The following ST3GAL1 variants were observed in gnomAD, a reference collection of about 807,000 sequenced individuals.
ST3GAL1 encodes the protein ST3 beta-galactoside alpha-2,3-sialyltransferase 1.
ST3GAL1 carries 16 observed loss-of-function variants against 34.1 expected under a neutral mutation model. That is an observed-to-expected ratio of 0.47 (90% confidence interval 0.32 to 0.71). The LOEUF (loss-of-function observed/expected upper bound fraction) is 0.71, where lower values mean the gene tolerates loss of function less well. Among genes scored for constraint, ST3GAL1 ranks in the 30% least tolerant of loss-of-function variants. The pLI is 0.04. For missense variants in ST3GAL1, 353 were observed against 447.4 expected (o/e 0.79, Z 1.90); for synonymous variants, 191 against 184.7 (o/e 1.03, Z -0.28).
At chr8:133,535,446 T>C (rs1189299118) in intron 2 of ST3GAL1, among the ~76,000 whole-genome samples, 1 of 152,206 alleles carries the variant, frequency 6.6e-6, no homozygotes, top group Non-Finnish European at 1.5e-5. Flanking sequence ...AACCTTGTGT[T>C]GGGCAAGTCT....
At chr8:133,522,300 A>G (rs992212985) in intron 2 of ST3GAL1, among the ~76,000 whole-genome samples, 2 of 152,316 alleles carry the variant, frequency 1.3e-5, no homozygotes, top group African/African-American at 2.4e-5. Context: ...AAAAAATTGC[A>G]AATGGCTTCC....
chr8:133,561,038 G>A (rs1441183516), intron 1 of ST3GAL1, among the ~76,000 whole-genome samples: 2 of 149,396 alleles, frequency 1.3e-5, no homozygotes, highest in Non-Finnish European at 3.0e-5. Flanking sequence ...AACTCTTAAA[G>A]TTTTCTAGAA....
rs978544034 is a variant in ST3GAL1 at position 133,558,884 on chromosome 8, C to T, written c.-582+12809G>A. Reference sequence around the variant, plus strand: ...CATTGATGAGAAGAATACGGATTCCCGGCCGGGACCACTGTGTGTGTGGAG... The same window carrying T: ...CATTGATGAGAAGAATACGGATTCCTGGCCGGGACCACTGTGTGTGTGGAG... On this transcript the variant is annotated intron_variant, in intron 1 of 9. Coordinates refer to ENST00000522652, the MANE Select transcript of ST3GAL1 (RefSeq NM_173344.3). 1.4e-4 allele frequency among the ~76,000 whole-genome samples: 22 copies of T among 152,132 alleles called. 1 individual carries two copies. Among genetic ancestry groups the T allele is most frequent in the Admixed American group, 2.6e-4 (4 of 15,264 alleles).
intron 2 of ST3GAL1, among the ~76,000 whole-genome samples, chr8:133,537,205 T>TAG (rs1818336864): frequency 6.6e-6 from 1 of 151,922 alleles, no homozygotes; most frequent in South Asian, 2.1e-4. Context: ...AGGATACAGA[T>TAG]AGAGAGATGC....
chr8:133,464,716 G>C (rs962868590), intron 7 of ST3GAL1, 62 bp downstream of exon 7: 37 of 1,538,734 alleles, frequency 2.4e-5, no homozygotes, highest in Non-Finnish European at 2.9e-5. Flanking sequence ...ACGGCAGGGT[G>C]GGGGGACAGG....
At chr8:133,514,970 C>A (rs962454550) in intron 2 of ST3GAL1, among the ~76,000 whole-genome samples, 1 of 152,124 alleles carries the variant, frequency 6.6e-6, no homozygotes, top group Admixed American at 6.5e-5. Context: ...CTGGGAAGTC[C>A]ATCTCCCTCT....
At chr8:133,541,120 T>TATATATATATATAGAGAGAGAG (rs71299078) in intron 2 of ST3GAL1, among the ~76,000 whole-genome samples, 1 of 48,628 alleles carries the variant, frequency 2.1e-5, no homozygotes, top group African/African-American at 9.9e-5. Flanking sequence ...TATATATATA[T>TATATATATATATAGAGAGAGAG]AGAGAGAGAG....
At chr8:133,521,077 C>G (rs1443235409) in intron 2 of ST3GAL1, among the ~76,000 whole-genome samples, 1 of 124,758 alleles carries the variant, frequency 8.0e-6, no homozygotes, top group African/African-American at 3.1e-5. Flanking sequence ...CTCAGCCTCC[C>G]AAGTAGCTGG....
intron 1 of ST3GAL1, among the ~76,000 whole-genome samples, chr8:133,553,478 A>G (rs16904946): frequency 0.063 from 9,665 of 152,312 alleles, 454 homozygotes; most frequent in Middle Eastern, 0.14. Context: ...GACAAACACA[A>G]TAATGACTTG....
intron 2 of ST3GAL1, among the ~76,000 whole-genome samples, chr8:133,535,518 T>C (rs1818283319): frequency 7.1e-6 from 1 of 141,714 alleles, no homozygotes; most frequent in African/African-American, 2.7e-5. Flanking sequence ...CAAGAAAGTA[T>C]TTTTTAATTT....
At chr8:133,562,011 G>A (rs1819238357) in intron 1 of ST3GAL1, among the ~76,000 whole-genome samples, 1 of 152,014 alleles carries the variant, frequency 6.6e-6, no homozygotes, top group Admixed American at 6.6e-5. Context: ...AGCTCAGCAG[G>A]CAGAAGTTGC....
intron 2 of ST3GAL1, among the ~76,000 whole-genome samples, chr8:133,507,914 C>T (rs959639666): frequency 6.6e-6 from 1 of 152,202 alleles, no homozygotes; most frequent in Non-Finnish European, 1.5e-5. Flanking sequence ...CCCTCAGCTG[C>T]TGTGACTATT....
At chr8:133,495,478 TTG>T (rs1816917125) in intron 3 of ST3GAL1, among the ~76,000 whole-genome samples, 1 of 152,318 alleles carries the variant, frequency 6.6e-6, no homozygotes, top group Admixed American at 6.5e-5. Flanking sequence ...CGCACTTAAA[TTG>T]TTAGACGTAG....
At chr8:133,561,259 A>AT (rs1819213830) in intron 1 of ST3GAL1, among the ~76,000 whole-genome samples, 1 of 151,910 alleles carries the variant, frequency 6.6e-6, no homozygotes, top group Non-Finnish European at 1.5e-5. Flanking sequence ...TTAGAAGCTG[A>AT]TTTCCACCTC....
intron 3 of ST3GAL1, among the ~76,000 whole-genome samples, chr8:133,485,102 G>A (rs930743182): frequency 2.6e-5 from 4 of 152,302 alleles, no homozygotes; most frequent in Admixed American, 2.0e-4. Flanking sequence ...CTGCCAGCAG[G>A]GGTTCCTATG....
In ST3GAL1 at chr8:133,492,779, T is replaced by C. The variant is rs566112871; in HGVS notation, c.-374+6356A>G. Among the ~76,000 whole-genome samples the C allele has an allele frequency of 3.3e-5, 5 of 152,292 alleles. No individual in the cohort carries two copies. The East Asian group carries it at 7.7e-4, about 24-fold the overall frequency. The stretch of plus-strand genomic sequence containing the variant: ...CCGGCTCCAGAGGCCCAGCTCTTCA[T>C]GCTAAGAATCTACCTTTCGGCCTCA... On this transcript the variant is annotated intron_variant, in intron 3 of 9. Transcript: ENST00000522652.
intron 2 of ST3GAL1, among the ~76,000 whole-genome samples, chr8:133,533,223 T>C (rs374486848): frequency 6.6e-6 from 1 of 152,140 alleles, no homozygotes; most frequent in African/African-American, 2.4e-5. Context: ...GTAAAATTCC[T>C]TAAGTCTGTG....
chr8:133,543,481 GA>G (rs1193578398), intron 2 of ST3GAL1, among the ~76,000 whole-genome samples: 1 of 151,840 alleles, frequency 6.6e-6, no homozygotes, highest in Non-Finnish European at 1.5e-5. Flanking sequence ...AGAGAAAAAA[GA>G]AAAAATGAAC....
In ST3GAL1 at chr8:133,466,734, T is replaced by C. The variant is rs1447917558; in HGVS notation, c.307-644A>G. On this transcript the variant is annotated intron_variant, in intron 5 of 9. Transcript: ENST00000522652. This position sits in a 1 kb window ranked among gnomAD's most constrained non-coding sequence, Gnocchi z 4.4. ...CCAGCACTGCTGGGCTCCAGCCAGA[T>C]TGAAGAATCAGCAGTTTGCTGGATG... Among the ~76,000 whole-genome samples, 2 of 152,228 alleles carry C rather than the reference T, an allele frequency of 1.3e-5. No homozygotes were observed. Among genetic ancestry groups the C allele is most frequent in the African/African-American group, 4.8e-5 (2 of 41,468 alleles).
Sources: gnomAD v4.1 joint callset for allele counts (sites outside exome capture counted in the v4.1 genomes callset) on GRCh38, gnomAD v4.1.1 for gene constraint, Gnocchi (gnomAD v3.1) non-coding constraint, MANE v1.5 for transcripts, NCBI Gene and HGNC (gene_info 2026-07-23, HGNC 2026-07-21) for gene names.